KHDRBS2: variants seen among roughly 807,000 people sequenced by gnomAD.
KHDRBS2 encodes KH RNA binding domain containing, signal transduction associated 2, also known as KH domain-containing, RNA-binding, signal transduction-associated protein 2.
In KHDRBS2, 26 loss-of-function variants were observed where a neutral mutation model predicts 44.3. The ratio of observed to expected loss-of-function variants is 0.59; its 90% CI spans 0.43 to 0.81. KHDRBS2 has a LOEUF of 0.81. KHDRBS2 is among the 40% of genes least tolerant of loss of function. KHDRBS2 has a pLI of 0.00. For synonymous variants in KHDRBS2, 194 were observed against 151.1 expected (o/e 1.28, Z -2.08); for missense variants, 476 against 433.1 (o/e 1.10, Z -0.88).
the KHDRBS2 span, among the ~76,000 whole-genome samples, chr6:61,670,100 T>C: frequency 6.6e-6 from 1 of 151,418 alleles, no homozygotes; most frequent in East Asian, 2.0e-4. Context: ...TATACATTTC[T>C]TATTTTTAAA....
chr6:61,713,343 T>G (rs1770844329), intron 7 of KHDRBS2, among the ~76,000 whole-genome samples: 1 of 151,684 alleles, frequency 6.6e-6, no homozygotes, highest in Admixed American at 6.6e-5. Flanking sequence ...TTATAAAAAA[T>G]AAATAATATC....
intron 6 of KHDRBS2, among the ~76,000 whole-genome samples, chr6:61,831,523 T>G (rs7744702): frequency 0.35 from 53,346 of 151,884 alleles, 10,072 homozygotes; most frequent in African/African-American, 0.5. Context: ...TCAATATTCA[T>G]AACGTTATTT....
the KHDRBS2 span, among the ~76,000 whole-genome samples, chr6:61,565,897 A>T: frequency 1.3e-5 from 2 of 151,170 alleles, no homozygotes; most frequent in African/African-American, 2.4e-5. Flanking sequence ...TATATTGAAG[A>T]GATATCTACA....
chr6:62,235,725 T>G (rs1295461989), intron 1 of KHDRBS2, among the ~76,000 whole-genome samples: 2 of 152,022 alleles, frequency 1.3e-5, no homozygotes, highest in African/African-American at 4.8e-5. Context: ...AATGGTGATA[T>G]CAGCAAAGTG....
chr6:61,685,083 G>T (rs1361556334), intron 8 of KHDRBS2, among the ~76,000 whole-genome samples: 1 of 151,618 alleles, frequency 6.6e-6, no homozygotes, highest in African/African-American at 2.4e-5. Context: ...AATTTTAATT[G>T]ATGTTTTAAG....
At chr6:61,646,134 T>C in the KHDRBS2 span, among the ~76,000 whole-genome samples, 1 of 152,204 alleles carries the variant, frequency 6.6e-6, no homozygotes, top group African/African-American at 2.4e-5. Context: ...AGAACTGCGT[T>C]CAATCACTCT....
intron 2 of KHDRBS2, among the ~76,000 whole-genome samples, chr6:62,074,081 C>G (rs1432310547): frequency 1.3e-5 from 2 of 151,786 alleles, no homozygotes; most frequent in Admixed American, 6.6e-5. Flanking sequence ...TAGGAGCCAT[C>G]AGAGCAGAAA....
chr6:62,102,429 G>A (rs187179113), intron 2 of KHDRBS2, among the ~76,000 whole-genome samples: 2 of 152,274 alleles, frequency 1.3e-5, no homozygotes, highest in Admixed American at 1.3e-4. Context: ...AGACACCAGG[G>A]ATTGCAGAGC....
intron 6 of KHDRBS2, among the ~76,000 whole-genome samples, chr6:61,869,935 C>A (rs570126294): frequency 1.4e-5 from 2 of 147,646 alleles, no homozygotes; most frequent in African/African-American, 2.5e-5. Context: ...GGCAGCCATT[C>A]GGGTAGACAC....
At chr6:61,582,055 ATTAT>A in the KHDRBS2 span, among the ~76,000 whole-genome samples, 1 of 151,912 alleles carries the variant, frequency 6.6e-6, no homozygotes, top group African/African-American at 2.4e-5. Flanking sequence ...ACAACTTCTA[ATTAT>A]TTAAGTAATA....
At chr6:61,957,386 GC>G (rs1767616180) in intron 4 of KHDRBS2, among the ~76,000 whole-genome samples, 1 of 152,162 alleles carries the variant, frequency 6.6e-6, no homozygotes, top group Admixed American at 6.5e-5. Flanking sequence ...GTGGAACAGA[GC>G]CATATTTCTC....
chr6:62,042,768 C>T (rs1234792168), intron 3 of KHDRBS2, among the ~76,000 whole-genome samples: 1 of 152,006 alleles, frequency 6.6e-6, no homozygotes, highest in Non-Finnish European at 1.5e-5. Flanking sequence ...GTAGTCATCA[C>T]CAAATGCAGA....
intron 1 of KHDRBS2, among the ~76,000 whole-genome samples, chr6:62,187,406 C>A (rs1249431197): frequency 6.6e-6 from 1 of 152,108 alleles, no homozygotes; most frequent in Non-Finnish European, 1.5e-5. Context: ...ATCCCAGAAA[C>A]TGAACACTGT....
intron 1 of KHDRBS2, among the ~76,000 whole-genome samples, chr6:62,281,990 T>C (rs1841874732): frequency 6.6e-6 from 1 of 152,154 alleles, no homozygotes; most frequent in Non-Finnish European, 1.5e-5. Flanking sequence ...CCCAAGTCTA[T>C]TGGGAGAAAA....
At chr6:61,686,858 T>A (rs1311833586) in intron 8 of KHDRBS2, among the ~76,000 whole-genome samples, 1 of 151,282 alleles carries the variant, frequency 6.6e-6, no homozygotes, top group Non-Finnish European at 1.5e-5. Flanking sequence ...TAGTATTAAT[T>A]ATATAATAAT....
chr6:62,222,809 G>C (rs492902), intron 1 of KHDRBS2, among the ~76,000 whole-genome samples: 30,182 of 152,144 alleles, frequency 0.2, 3,646 homozygotes, highest in African/African-American at 0.35. Flanking sequence ...TCTCCTTTGA[G>C]TCCATGTCTC....
intron 6 of KHDRBS2, among the ~76,000 whole-genome samples, chr6:61,892,817 A>G (rs1802164377): frequency 1.3e-5 from 2 of 152,222 alleles, no homozygotes; most frequent in Non-Finnish European, 2.9e-5. Context: ...AAACCTAGGC[A>G]TTACCATTCA....
intron 8 of KHDRBS2, among the ~76,000 whole-genome samples, chr6:61,688,418 T>C (rs1254174816): frequency 6.6e-6 from 1 of 151,914 alleles, no homozygotes; most frequent in Non-Finnish European, 1.5e-5. Context: ...CTTTTTGAAA[T>C]GCACATAAGG....
intron 6 of KHDRBS2, among the ~76,000 whole-genome samples, chr6:61,795,605 T>C (rs2127587262): frequency 6.6e-6 from 1 of 152,300 alleles, no homozygotes; most frequent in East Asian, 1.9e-4. Flanking sequence ...TGTTCTAGTT[T>C]TATTTCTCTT....
Sources: allele counts gnomAD v4.1 joint callset (sites outside exome capture counted in the v4.1 genomes callset), GRCh38; gene constraint gnomAD v4.1.1; transcripts MANE v1.5; gene names NCBI Gene and HGNC (gene_info 2026-07-23, HGNC 2026-07-21).